Variants in UTP15 observed in about 807,000 individuals in gnomAD.
UTP15 encodes the protein U3 small nucleolar RNA-associated protein 15 homolog.
Under a neutral mutation model 59.1 loss-of-function variants are expected in UTP15, and 5 were observed. The observed-to-expected ratio is 0.08, with a 90% CI of 0.04 to 0.18. UTP15 has a LOEUF of 0.18. Among genes scored for constraint, UTP15 ranks in the 10% least tolerant of loss-of-function variants. The pLI is 1.00. For synonymous variants in UTP15, 211 were observed against 212.2 expected (o/e 0.99, Z 0.05); for missense variants, 494 against 616.7 (o/e 0.80, Z 2.11).
intron 4 of UTP15, 33 bp from the exon 5 acceptor site, chr5:73,569,464 T>C: frequency 7.0e-7 from 1 of 1,425,640 alleles, no homozygotes; most frequent in Non-Finnish European, 9.3e-7. Flanking sequence ...ATAATTTTCT[T>C]GCTTTTTAAT....
At chr5:73,574,723 C>G (rs1307785797) in intron 7 of UTP15, among the ~76,000 whole-genome samples, 2 of 152,140 alleles carry the variant, frequency 1.3e-5, no homozygotes, top group East Asian at 1.9e-4. Context: ...CTGAGTTCAA[C>G]AGATCCTCCC....
intron 9 of UTP15, 108 bp from the exon 10 acceptor site, chr5:73,578,643 T>C (rs1300181418): frequency 8.9e-6 from 8 of 903,408 alleles, no homozygotes; most frequent in Non-Finnish European, 1.4e-5. Flanking sequence ...ATGAACATTA[T>C]TTGTGACATA....
In UTP15 at chr5:73,581,503, AAGT is replaced by A. The variant is rs1317690682; in HGVS notation, c.*1413_*1415del. 1 of 152,116 alleles carries A rather than the reference AAGT, an allele frequency of 6.6e-6. No homozygotes were observed. Among genetic ancestry groups the A allele is most frequent in the Non-Finnish European group, 1.5e-5 (1 of 68,012 alleles). The allele number at this position is 152,116 out of a possible 1,614,324, so 9.4% of individuals were successfully genotyped here. On this transcript the variant is annotated 3_prime_UTR_variant, in exon 13 of 13. Transcript: ENST00000296792. ...TTTTCTCTAATTATTACGCCAACTC[AAGT>A]AGTTAAAAATCAGTAAGAAAAATGT... is the stretch of plus-strand genomic sequence containing the variant.
rs543077883 is a variant in UTP15, at chr5:73,582,758, A to T, written c.*2664A>T. The T allele has an allele frequency of 6.6e-6, 1 of 152,380 alleles. No individual in the cohort carries two copies. Among genetic ancestry groups the T allele is most frequent in the African/African-American group, 2.4e-5 (1 of 41,600 alleles). The allele number at this position is 152,380 out of a possible 1,614,324, so 9.4% of individuals were successfully genotyped here. On this transcript the variant is annotated 3_prime_UTR_variant, in exon 13 of 13. Coordinates refer to ENST00000296792, the MANE Select transcript of UTP15 (RefSeq NM_032175.4). The stretch of plus-strand genomic sequence containing the variant: ...TTTGAAGTATTTAAACATAATTGGC[A>T]TATTACAATATGTGACACTGGCCTT...
At chr5:73,570,989 T>G (rs1747915962) in intron 6 of UTP15, among the ~76,000 whole-genome samples, 1 of 152,196 alleles carries the variant, frequency 6.6e-6, no homozygotes, top group South Asian at 2.1e-4. Context: ...AAGTTTTAAC[T>G]TATTTTTCAA....
chr5:73,570,421 G>A (rs903442374), intron 5 of UTP15, among the ~76,000 whole-genome samples, 165 bp from the exon 6 acceptor site: 3 of 152,164 alleles, frequency 2.0e-5, no homozygotes, highest in African/African-American at 7.2e-5. Flanking sequence ...CTTCAGACAC[G>A]ATCAGTAGTA....
At position 73,565,769 on chromosome 5, in the gene UTP15, C is replaced by A. The variant is rs761925354; in HGVS notation, c.-227C>A. On this transcript the variant is annotated 5_prime_UTR_variant, in exon 1 of 13. Coordinates refer to ENST00000296792, the MANE Select transcript of UTP15 (RefSeq NM_032175.4). ...CGTCATCTTCGCGCGACGTTCGGTT[C>A]GCTGTGTGTGTCGCCGGCTCCTTGA... The A allele has an allele frequency of 6.6e-6, 3 of 456,148 alleles. No individual in the cohort carries two copies. The highest frequency in any genetic ancestry group is 2.0e-5 in the African/African-American group (1 of 50,054). The allele number at this position is 456,148 out of a possible 1,614,324, so 28.3% of individuals were successfully genotyped here. A position where few individuals can be genotyped will look rare whatever the true frequency, so the allele number is the denominator to read the frequency against.
chr5:73,569,529 A>G lies in UTP15; in HGVS notation c.401A>G (p.Lys134Arg). 6.2e-7 allele frequency: 1 copy of G among 1,611,472 alleles called. No homozygotes were observed. The highest frequency in any genetic ancestry group is 8.5e-7 in the Non-Finnish European group (1 of 1,178,868). The change falls in exon 5 of 13, where the codon AAA (lysine) becomes AGA (arginine). Residue 134 changes from lysine (K) to arginine (R), a missense_variant. By Grantham distance (26) the Lys-to-Arg change is conservative. Transcript: ENST00000296792. ...AVHTVDFTAD[K>R]YHVVSGADDY... ...CATACAGTAGATTTTACAGCTGACA[A>G]ATATCACGTGGTCTCTGGGGCTGAT...
In UTP15 at chr5:73,582,072, G is replaced by A. The variant is rs1748335151; in HGVS notation, c.*1978G>A. 1.3e-5 allele frequency: 2 copies of A among 152,202 alleles called. No homozygotes were observed. The highest frequency in any genetic ancestry group is 2.4e-5 in the African/African-American group (1 of 41,452). The allele number at this position is 152,202 out of a possible 1,614,324, so 9.4% of individuals were successfully genotyped here. ...GTAGTTGCCGTCAATTGTGTAACAT[G>A]TGACAAAGGTTTTCCCATATGTCAT... On this transcript the variant is annotated 3_prime_UTR_variant, in exon 13 of 13. Transcript: ENST00000296792.
At position 73,579,058 on chromosome 5, in the gene UTP15, C is replaced by T; in HGVS notation, c.1188C>T (p.Ile396=). 6.2e-7 allele frequency: 1 copy of T among 1,613,950 alleles called. No individual in the cohort carries two copies. Among genetic ancestry groups the T allele is most frequent in the Non-Finnish European group, 8.5e-7 (1 of 1,179,902 alleles). The change falls in exon 11 of 13, where the codon ATC becomes ATT. Residue 396 remains isoleucine, a synonymous_variant. Transcript: ENST00000296792. ...AGACACCCGAGATTACGGTGTCCAT[C>T]ATAAAGGAGTTAAATCGAAGAGGAG... ...TIKTPEITVS[I]IKELNRRGVL... is the part of the protein sequence containing the mutation.
At position 73,580,129 on chromosome 5, in the gene UTP15, T is replaced by G. The variant is rs752255499; in HGVS notation, c.*35T>G. The G allele has an allele frequency of 6.4e-7, 1 of 1,571,966 alleles. No homozygotes were observed. The highest frequency in any genetic ancestry group is 8.7e-7 in the Non-Finnish European group (1 of 1,148,328). On this transcript the variant is annotated 3_prime_UTR_variant, in exon 13 of 13. Transcript: ENST00000296792. Reference sequence around the variant, plus strand: ...AATAAGACATATAAGAACTCTGAAGTTGGAATAGATTTGACTGTATTAAAT... The same window carrying G: ...AATAAGACATATAAGAACTCTGAAGGTGGAATAGATTTGACTGTATTAAAT...
chr5:73,573,329 C>T (rs929584401), intron 7 of UTP15, among the ~76,000 whole-genome samples: 3 of 150,018 alleles, frequency 2.0e-5, no homozygotes, highest in Non-Finnish European at 4.4e-5. Context: ...CTTACTGCAA[C>T]CTCTGTCTCC....
chr5:73,576,899 A>G (rs1188232003), intron 7 of UTP15, 53 bp from the exon 8 acceptor site: 3 of 1,294,384 alleles, frequency 2.3e-6, no homozygotes, highest in Non-Finnish European at 3.3e-6. Context: ...AGAAATTTGC[A>G]TTTTATACTC....
chr5:73,574,102 C>T (rs1748019883), intron 7 of UTP15, among the ~76,000 whole-genome samples: 1 of 151,848 alleles, frequency 6.6e-6, no homozygotes, highest in Non-Finnish European at 1.5e-5. Flanking sequence ...GTGGGAGGAT[C>T]ACTTGAGGCC....
rs1225477560 is a variant in UTP15, at chr5:73,582,133, T to C, written c.*2039T>C. On this transcript the variant is annotated 3_prime_UTR_variant, in exon 13 of 13. Coordinates refer to ENST00000296792, the MANE Select transcript of UTP15 (RefSeq NM_032175.4). ...TCTCACCACAACCATCCAAGGTTGATGTTATTCTCATTTAACATTGAGTTA... is the reference window on the plus strand; with the variant it reads ...TCTCACCACAACCATCCAAGGTTGACGTTATTCTCATTTAACATTGAGTTA... 3 of 152,248 alleles carry C rather than the reference T, an allele frequency of 2.0e-5. No homozygotes were observed. Among genetic ancestry groups the C allele is most frequent in the Non-Finnish European group, 4.4e-5 (3 of 68,042 alleles). 9.4% of individuals were successfully genotyped at this position (152,248 alleles called of 1,614,324 possible).
intron 1 of UTP15, 149 bp downstream of exon 1, chr5:73,566,061 G>T (rs970648806): frequency 5.7e-5 from 20 of 349,290 alleles, no homozygotes; most frequent in South Asian, 2.8e-4. Context: ...ATTAAGCTTC[G>T]ACCTAGGTTC....
intron 8 of UTP15, among the ~76,000 whole-genome samples, chr5:73,577,596 C>T (rs1196950609): frequency 6.6e-6 from 1 of 152,058 alleles, no homozygotes; most frequent in East Asian, 1.9e-4. Flanking sequence ...ATCTTTGATG[C>T]CGTTAACTAT....
In UTP15 at chr5:73,570,490, T is replaced by A. The variant is rs1747900565; in HGVS notation, c.548-96T>A. ...ACATATATGTCTTTTTAAAACTCCA[T>A]CTAAGCTTTTTTTCCTTTTAAAATT... On this transcript the variant is annotated intron_variant, in intron 5 of 12. Transcript: ENST00000296792. 11 of 1,276,156 alleles carry A rather than the reference T, an allele frequency of 8.6e-6. No individual in the cohort carries two copies. In the South Asian group the frequency reaches 1.6e-4, roughly 18 times the overall value. 79.1% of individuals were successfully genotyped at this position (1,276,156 alleles called of 1,614,324 possible). A position where few individuals can be genotyped will look rare whatever the true frequency, so the allele number is the denominator to read the frequency against.
intron 7 of UTP15, among the ~76,000 whole-genome samples, chr5:73,573,128 A>G (rs187780734): frequency 6.1e-4 from 93 of 151,962 alleles, no homozygotes; most frequent in African/African-American, 2.2e-3. Context: ...CTTTGACACA[A>G]TTTGTTTTAA....
Sources: allele counts gnomAD v4.1 joint callset (sites outside exome capture counted in the v4.1 genomes callset), GRCh38; gene constraint gnomAD v4.1.1; transcripts MANE v1.5; gene names NCBI Gene and HGNC (gene_info 2026-07-23, HGNC 2026-07-21).